The following ZCWPW2 variants were observed in gnomAD, a reference collection of about 807,000 sequenced individuals.
ZCWPW2 encodes zinc finger CW-type and PWWP domain containing 2, also known as zinc finger CW-type PWWP domain protein 2.
ZCWPW2 carries 45 observed loss-of-function variants against 46.6 expected under a neutral mutation model. The observed-to-expected ratio is 0.96, with a 90% CI of 0.76 to 1.24. ZCWPW2 has a LOEUF of 1.24. Ranked by LOEUF, ZCWPW2 falls within the 50% of genes most tolerant of loss-of-function variation. The pLI is 0.00. For missense variants in ZCWPW2, 429 were observed against 403.9 expected (o/e 1.06, Z -0.53); for synonymous variants, 152 against 137.1 (o/e 1.11, Z -0.76).
intron 4 of ZCWPW2, among the ~76,000 whole-genome samples, chr3:28,468,394 T>G (rs753923122): frequency 2.0e-5 from 3 of 151,994 alleles, no homozygotes; most frequent in Non-Finnish European, 2.9e-5. Flanking sequence ...GGTAGAAAAT[T>G]TATTTAAAGG....
intron 4 of ZCWPW2, 45 bp from the exon 5 acceptor site, chr3:28,478,769 A>C: frequency 9.6e-7 from 1 of 1,036,952 alleles, no homozygotes; most frequent in Non-Finnish European, 1.3e-6. Context: ...AAACAAAGTT[A>C]TATATTTAAA....
intron 3 of ZCWPW2, among the ~76,000 whole-genome samples, chr3:28,420,946 TA>T: frequency 6.6e-6 from 1 of 152,360 alleles, no homozygotes; most frequent in East Asian, 1.9e-4. Flanking sequence ...ATTCAGCTTT[TA>T]AAAATATTGT....
rs537148600 is a variant in ZCWPW2 at position 28,363,567 on chromosome 3, C to T, written c.-134+14364C>T. ...TTTGCCCATTTGTAGAGATAGTAAA[C>T]GACTGGCCTTGGAATGTACTTTTCA... On this transcript the variant is annotated intron_variant, in intron 1 of 9. Coordinates refer to ENST00000383768, the MANE Select transcript of ZCWPW2 (RefSeq NM_001040432.4). Among the ~76,000 whole-genome samples the T allele has an allele frequency of 2.0e-5, 3 of 152,188 alleles. No homozygotes were observed. The South Asian group carries it at 6.2e-4, about 32-fold the overall frequency.
chr3:28,401,577 A>G (rs1046656190), intron 2 of ZCWPW2, among the ~76,000 whole-genome samples: 7 of 152,228 alleles, frequency 4.6e-5, no homozygotes, highest in South Asian at 4.1e-4. Context: ...ATACCCTGGA[A>G]CAAATGGACT....
intron 1 of ZCWPW2, among the ~76,000 whole-genome samples, chr3:28,374,047 T>C (rs1480822897): frequency 2.0e-5 from 3 of 152,166 alleles, no homozygotes; most frequent in East Asian, 3.9e-4. Context: ...TGCTGTCTTA[T>C]GCGATAAAAT....
chr3:28,430,206 G>A (rs943846370), intron 3 of ZCWPW2, among the ~76,000 whole-genome samples: 1 of 152,246 alleles, frequency 6.6e-6, no homozygotes, highest in Non-Finnish European at 1.5e-5. Context: ...AGCCACAGGG[G>A]TGGAGCTGCC....
chr3:28,515,648 G>A lies in ZCWPW2; in HGVS notation c.784+27G>A, dbSNP rs368063887. On this transcript the variant is annotated intron_variant, in intron 8 of 9. Coordinates refer to ENST00000383768, the MANE Select transcript of ZCWPW2 (RefSeq NM_001040432.4). Reference sequence around the variant, plus strand: ...TATGTGAAAGCCTGTCCTGCTTTTAGTTCTTTAACCTATATATAATTCCAC... The same window carrying A: ...TATGTGAAAGCCTGTCCTGCTTTTAATTCTTTAACCTATATATAATTCCAC... 5.7e-6 allele frequency: 9 copies of A among 1,589,468 alleles called. No homozygotes were observed. In the African/African-American group the frequency reaches 9.5e-5, roughly 17 times the overall value.
intron 2 of ZCWPW2, among the ~76,000 whole-genome samples, chr3:28,396,779 G>A (rs1477436124): frequency 2.0e-5 from 3 of 152,120 alleles, no homozygotes; most frequent in African/African-American, 7.2e-5. Context: ...TCTATCATAA[G>A]TAGCCGTTTA....
At chr3:28,445,362 T>C (rs1697948602) in intron 4 of ZCWPW2, among the ~76,000 whole-genome samples, 1 of 152,078 alleles carries the variant, frequency 6.6e-6, no homozygotes, top group South Asian at 2.1e-4. Flanking sequence ...TTAGTTTATA[T>C]TTTTGGGCAA....
intron 2 of ZCWPW2, among the ~76,000 whole-genome samples, chr3:28,407,821 A>G (rs1696225963): frequency 6.6e-6 from 1 of 152,198 alleles, no homozygotes; most frequent in Admixed American, 6.5e-5. Flanking sequence ...TGCATTTGTC[A>G]TTGTCTTTAT....
intron 6 of ZCWPW2, among the ~76,000 whole-genome samples, chr3:28,492,955 T>C (rs1699867035): frequency 6.6e-6 from 1 of 151,964 alleles, no homozygotes; most frequent in Non-Finnish European, 1.5e-5. Context: ...GAAAAGGGTG[T>C]TGGGCATGTA....
At chr3:28,357,745 C>T (rs62251132) in intron 1 of ZCWPW2, among the ~76,000 whole-genome samples, 31,324 of 149,380 alleles carry the variant, frequency 0.21, 3,666 homozygotes, top group Admixed American at 0.28. Flanking sequence ...GAGTTTACCT[C>T]CATAATTGCA....
intron 1 of ZCWPW2, among the ~76,000 whole-genome samples, chr3:28,364,602 C>A (rs1158495472): frequency 1.3e-5 from 2 of 152,104 alleles, no homozygotes; most frequent in East Asian, 3.9e-4. Context: ...TTCACCACAT[C>A]CATGCTAACA....
intron 3 of ZCWPW2, among the ~76,000 whole-genome samples, chr3:28,419,935 G>T (rs1696695256): frequency 9.2e-6 from 1 of 108,642 alleles, no homozygotes; most frequent in Non-Finnish European, 1.8e-5. Context: ...GGGGTGGGGG[G>T]AGGGGGGAGG....
chr3:28,372,471 T>C (rs1377724264), intron 1 of ZCWPW2, among the ~76,000 whole-genome samples: 1 of 152,198 alleles, frequency 6.6e-6, no homozygotes, highest in African/African-American at 2.4e-5. Context: ...AATAACTTTT[T>C]TTCTTCAATT....
intron 4 of ZCWPW2, among the ~76,000 whole-genome samples, chr3:28,462,930 G>T (rs571971463): frequency 6.6e-6 from 1 of 152,226 alleles, no homozygotes; most frequent in South Asian, 2.1e-4. Flanking sequence ...TGAGGTTAAG[G>T]CTTTCAGTTG....
At chr3:28,440,776 G>A (rs771070918) in intron 4 of ZCWPW2, among the ~76,000 whole-genome samples, 5 of 152,192 alleles carry the variant, frequency 3.3e-5, no homozygotes, top group Non-Finnish European at 5.9e-5. Context: ...TCTGTGAGTC[G>A]ATGGATGATA....
chr3:28,457,789 T>C (rs1698478954), intron 4 of ZCWPW2, among the ~76,000 whole-genome samples: 1 of 152,182 alleles, frequency 6.6e-6, no homozygotes, highest in South Asian at 2.1e-4. Context: ...TTGTTAAAAA[T>C]AAAAATTCTA....
chr3:28,511,674 C>A lies in ZCWPW2; in HGVS notation c.658-2390C>A, dbSNP rs534678545. ...TAAGATGCTTTCACCTTTGTCTAAC[C>A]CCTTTTCCTCTTCCATTCAGTTGTC... On this transcript the variant is annotated intron_variant, in intron 6 of 9. Coordinates refer to ENST00000383768, the MANE Select transcript of ZCWPW2 (RefSeq NM_001040432.4). 2.6e-4 allele frequency among the ~76,000 whole-genome samples: 39 copies of A among 152,196 alleles called. 1 individual carries two copies. The South Asian group carries it at 6.8e-3, about 27-fold the overall frequency.
Sources: allele counts gnomAD v4.1 joint callset (sites outside exome capture counted in the v4.1 genomes callset), GRCh38; gene constraint gnomAD v4.1.1; transcripts MANE v1.5; gene names NCBI Gene and HGNC (gene_info 2026-07-23, HGNC 2026-07-21).